The following ZSCAN25 variants were observed in gnomAD, a reference collection of about 807,000 sequenced individuals.
ZSCAN25 encodes zinc finger and SCAN domain-containing protein 25.
ZSCAN25 carries 27 observed loss-of-function variants against 38.7 expected under a neutral mutation model. The observed-to-expected ratio is 0.70, with a 90% CI of 0.51 to 0.96. The LOEUF is 0.96. ZSCAN25 is among the 40% of genes least tolerant of loss of function. The pLI is 0.00. For missense variants in ZSCAN25, 637 were observed against 705.9 expected (o/e 0.90, Z 1.11); for synonymous variants, 273 against 277.7 (o/e 0.98, Z 0.17).
At chr7:99,663,469 C>T in the ZSCAN25 span, 1 of 990,224 alleles carries the variant, frequency 1.0e-6, no homozygotes, top group Non-Finnish European at 1.2e-6. Context: ...AACCTCAATT[C>T]TCAGAGAAGA....
At chr7:99,679,471 G>A in the ZSCAN25 span, among the ~76,000 whole-genome samples, 1 of 152,154 alleles carries the variant, frequency 6.6e-6, no homozygotes, top group African/African-American at 2.4e-5. Flanking sequence ...CAGAGCCTGG[G>A]AAGGGGATGA....
the ZSCAN25 span, chr7:99,652,419 T>A: frequency 1.3e-5 from 8 of 631,360 alleles, no homozygotes; most frequent in Non-Finnish European, 2.1e-5. Flanking sequence ...TTGATAATTA[T>A]CACTTTTTTG....
chr7:99,725,486 T>G, the ZSCAN25 span, among the ~76,000 whole-genome samples: 1 of 152,114 alleles, frequency 6.6e-6, no homozygotes, highest in Admixed American at 6.5e-5. Flanking sequence ...CTTCAGAACA[T>G]CCAAGCCACA....
At chr7:99,714,470 A>T in the ZSCAN25 span, 2 of 1,573,614 alleles carry the variant, frequency 1.3e-6, no homozygotes, top group Admixed American at 3.6e-5. Context: ...CTCTAAAAAC[A>T]TACAGGGAAG....
chr7:99,661,469 A>G, the ZSCAN25 span, among the ~76,000 whole-genome samples: 37 of 152,342 alleles, frequency 2.4e-4, no homozygotes, highest in African/African-American at 8.4e-4. Context: ...ATGGTGATTG[A>G]CTGTAGTCTG....
At chr7:99,705,532 C>T in the ZSCAN25 span, 7 of 1,613,616 alleles carry the variant, frequency 4.3e-6, no homozygotes, top group Non-Finnish European at 5.9e-6. Flanking sequence ...TCCCTTGACT[C>T]AGCCTTTAGA....
chr7:99,632,701 C>T (rs1808090363), downstream of ZSCAN25, among the ~76,000 whole-genome samples: 1 of 152,214 alleles, frequency 6.6e-6, no homozygotes, highest in South Asian at 2.1e-4. Context: ...TGAGGCTGGG[C>T]ATCACTTGAC....
the ZSCAN25 span, among the ~76,000 whole-genome samples, chr7:99,668,493 T>G: frequency 1.4e-4 from 22 of 152,366 alleles, no homozygotes; most frequent in African/African-American, 4.3e-4. Flanking sequence ...CAATTTTTTT[T>G]GTAATTTTGT....
the ZSCAN25 span, among the ~76,000 whole-genome samples, chr7:99,665,791 A>G: frequency 9.2e-5 from 14 of 152,350 alleles, no homozygotes; most frequent in East Asian, 2.7e-3. Context: ...CTGAGTTCCT[A>G]GAAATATCAT....
At chr7:99,716,634 C>T in the ZSCAN25 span, among the ~76,000 whole-genome samples, 2 of 152,288 alleles carry the variant, frequency 1.3e-5, no homozygotes, top group East Asian at 1.9e-4. Flanking sequence ...GTGTAGACAG[C>T]AAATAATAGG....
chr7:99,631,692 C>T lies in ZSCAN25; in HGVS notation c.*1672C>T. 1.7e-5 allele frequency: 17 copies of T among 985,240 alleles called. No homozygotes were observed. The highest frequency in any genetic ancestry group is 2.0e-5 in the Non-Finnish European group (17 of 829,926). The allele number at this position is 985,240 out of a possible 1,614,324, so 61.0% of individuals were successfully genotyped here. A position where few individuals can be genotyped will look rare whatever the true frequency, so the allele number is the denominator to read the frequency against. On this transcript the variant is annotated 3_prime_UTR_variant, in exon 8 of 8. Transcript: ENST00000394152. Reference sequence around the variant, plus strand: ...ACACAAAGCTGTATTACTCAGCCCACTTTGAAACGTGGTTTTATCACCTGT... The same window carrying T: ...ACACAAAGCTGTATTACTCAGCCCATTTTGAAACGTGGTTTTATCACCTGT...
the ZSCAN25 span, chr7:99,648,211 A>T: frequency 6.6e-7 from 1 of 1,515,484 alleles, no homozygotes; most frequent in South Asian, 1.3e-5. Flanking sequence ...GATTAAGCCC[A>T]TCTTTATTTC....
the ZSCAN25 span, among the ~76,000 whole-genome samples, chr7:99,716,629 G>A: frequency 6.6e-6 from 1 of 152,120 alleles, no homozygotes; most frequent in Non-Finnish European, 1.5e-5. Context: ...CATAAGTGTA[G>A]ACAGCAAATA....
At chr7:99,645,431 C>A in the ZSCAN25 span, among the ~76,000 whole-genome samples, 1 of 152,100 alleles carries the variant, frequency 6.6e-6, no homozygotes, top group African/African-American at 2.4e-5. Flanking sequence ...CATATGTGTG[C>A]ATGTGTCTTT....
chr7:99,679,752 A>C, the ZSCAN25 span: 2 of 1,416,630 alleles, frequency 1.4e-6, no homozygotes, highest in Non-Finnish European at 2.0e-6. Context: ...TCTTCAAAAC[A>C]GATAAGGGAA....
rs1807940970 is a variant in ZSCAN25 at position 99,630,815 on chromosome 7, T to G, written c.*795T>G. 1.0e-6 allele frequency: 1 copy of G among 985,320 alleles called. No individual in the cohort carries two copies. The highest frequency in any genetic ancestry group is 1.2e-6 in the Non-Finnish European group (1 of 829,924). 61.0% of individuals were successfully genotyped at this position (985,320 alleles called of 1,614,324 possible). On this transcript the variant is annotated 3_prime_UTR_variant, in exon 8 of 8. Transcript: ENST00000394152. ...ACACCAACTATTAGGAAGTTAGTAT[T>G]TTGCTATTGATCACTGAATAAACAT... is the stretch of plus-strand genomic sequence containing the variant.
chr7:99,720,602 C>T, the ZSCAN25 span: 2 of 582,576 alleles, frequency 3.4e-6, no homozygotes, highest in East Asian at 6.3e-5. Context: ...TCCAAGTCTT[C>T]ATACGATGAA....
In ZSCAN25 at chr7:99,630,002, G is replaced by C; in HGVS notation, c.1617G>C (p.Gln539His). The change falls in exon 8 of 8, where the codon CAG (glutamine) becomes CAC (histidine). Residue 539 changes from glutamine to histidine, a missense_variant. Gln to His is a conservative substitution (Grantham distance 24). Transcript: ENST00000394152. ...GGCACCAGAAGACCCAGCACCGCCA[G>C]GAGCCGCTGGTGCAGTGAGCATAGC... is the stretch of plus-strand genomic sequence containing the variant. ...LNRHQKTQHR[Q>H]EPLVQ The C allele has an allele frequency of 6.4e-7, 1 of 1,571,334 alleles. No homozygotes were observed. Among genetic ancestry groups the C allele is most frequent in the Non-Finnish European group, 8.6e-7 (1 of 1,158,726 alleles).
the ZSCAN25 span, among the ~76,000 whole-genome samples, chr7:99,686,567 C>G: frequency 3.3e-5 from 5 of 152,354 alleles, no homozygotes; most frequent in Admixed American, 1.3e-4. Context: ...TCTTTAGGCT[C>G]CACCTCTGGG....
Sources: allele counts gnomAD v4.1 joint callset (sites outside exome capture counted in the v4.1 genomes callset), GRCh38; gene constraint gnomAD v4.1.1; transcripts MANE v1.5; gene names NCBI Gene and HGNC (gene_info 2026-07-23, HGNC 2026-07-21).